HEXIM1: variants seen among roughly 807,000 people sequenced by gnomAD.
HEXIM1 encodes HEXIM P-TEFb complex subunit 1, also known as protein HEXIM1.
A neutral mutation model predicts 30.3 loss-of-function variants in HEXIM1; 1 was observed. That is an observed-to-expected ratio of 0.03 (90% CI 0.01 to 0.16). HEXIM1 has a LOEUF of 0.16. HEXIM1 is among the 10% of genes least tolerant of loss of function. The pLI, the probability that HEXIM1 is intolerant of heterozygous loss-of-function variation, is 1.00. For missense variants in HEXIM1, 391 were observed against 476.4 expected, an observed-to-expected ratio of 0.82 and a Z score of 1.67; for synonymous variants, 245 against 208.3, an observed-to-expected ratio of 1.18 and a Z score of -1.52.
In HEXIM1 at chr17:45,148,987, C is replaced by G. The variant is rs1323416453; in HGVS notation, c.-204C>G. Reference sequence around the variant, plus strand: ...GCTGGCCGCACTGTGGGCGCTTAACCCTTTACTGACTTGAGCTCCCCAGAT... The same window carrying G: ...GCTGGCCGCACTGTGGGCGCTTAACGCTTTACTGACTTGAGCTCCCCAGAT... On this transcript the variant is annotated 5_prime_UTR_variant, in exon 1 of 1. Transcript: ENST00000332499. 2 of 567,876 alleles carry G rather than the reference C, an allele frequency of 3.5e-6. No individual in the cohort carries two copies. Among genetic ancestry groups the G allele is most frequent in the Admixed American group, 6.7e-5 (2 of 29,724 alleles). 35.2% of individuals were successfully genotyped at this position (567,876 alleles called of 1,614,324 possible).
rs12051846 is a variant in HEXIM1 at position 45,149,520 on chromosome 17, A to T, written c.330A>T (p.Glu110Asp). The change falls in exon 1 of 1, where the codon GAA becomes GAT. Residue 110 changes from glutamate (E) to aspartate (D), a missense_variant. By Grantham distance (45) the Glu-to-Asp change is conservative. Coordinates refer to ENST00000332499, the MANE Select transcript of HEXIM1 (RefSeq NM_006460.3). This position sits in a 1 kb window ranked among gnomAD's most constrained non-coding sequence, Gnocchi z 5.3. ...ACTTCCCGCCGCCGGCAGAAGTGGA[A>T]CCGACGCCCGAGGCCGAGCTGCTCG... is the stretch of plus-strand genomic sequence containing the variant. ...GGDFPPPAEVEPTPEAELLAQ... is the reference protein window; with the variant it reads ...GGDFPPPAEVDPTPEAELLAQ... 1.9e-6 allele frequency: 3 copies of T among 1,606,724 alleles called. No individual in the cohort carries two copies. The highest frequency in any genetic ancestry group is 2.5e-6 in the Non-Finnish European group (3 of 1,177,108).
rs142925080 is a variant in HEXIM1 at position 45,149,052 on chromosome 17, G to A, written c.-139G>A. 103 of 843,634 alleles carry A rather than the reference G, an allele frequency of 1.2e-4. No individual in the cohort carries two copies. The African/African-American group carries it at 1.6e-3, about 13-fold the overall frequency. The allele number at this position is 843,634 out of a possible 1,614,324, so 52.3% of individuals were successfully genotyped here. A position where few individuals can be genotyped will look rare whatever the true frequency, so the allele number is the denominator to read the frequency against. ...GCTGATAGAAGGACTAGCTAAAGGC[G>A]TCACTGCAGGAATTACAAACTGAAG... On this transcript the variant is annotated 5_prime_UTR_variant, in exon 1 of 1. Coordinates refer to ENST00000332499, the MANE Select transcript of HEXIM1 (RefSeq NM_006460.3). This position sits in a 1 kb window ranked among gnomAD's most constrained non-coding sequence, Gnocchi z 5.3.
Position 45,150,328 on chromosome 17 carries a change from C to T in HEXIM1, c.*58C>T, listed in dbSNP as rs2055538485. 1 of 1,556,850 alleles carries T rather than the reference C, an allele frequency of 6.4e-7. No homozygotes were observed. The highest frequency in any genetic ancestry group is 2.3e-5 in the East Asian group (1 of 44,370). The stretch of plus-strand genomic sequence containing the variant: ...GACTTTTTACAGTGATGGAATGTAA[C>T]ATTATATACATGTGTATATAAGACA... On this transcript the variant is annotated 3_prime_UTR_variant, in exon 1 of 1. Coordinates refer to ENST00000332499, the MANE Select transcript of HEXIM1 (RefSeq NM_006460.3).
rs1044977 is a variant in HEXIM1 at position 45,149,847 on chromosome 17, T to C, written c.657T>C (p.Asp219=). ...ATGATCACGACCAGGAGGAGCCGGA[T>C]CTCAAAACCGGCCTGTACTCCAAGC... The part of the protein sequence containing the change: ...LMDDHDQEEP[D]LKTGLYSKRA... Residue 219 remains aspartate (D), a synonymous_variant, in exon 1 of 1, where the codon GAT becomes GAC. Coordinates refer to ENST00000332499, the MANE Select transcript of HEXIM1 (RefSeq NM_006460.3). The surrounding 1 kb of genome is among the most constrained non-coding windows in gnomAD (Gnocchi z 5.3). 0.24 allele frequency: 388,985 copies of C among 1,613,036 alleles called. 48,585 individuals are homozygous for C. The highest frequency in any genetic ancestry group is 0.29 in the South Asian group (26,424 of 91,052).
chr17:45,150,392 C>G lies in HEXIM1; in HGVS notation c.*122C>G, dbSNP rs949911513. Reference sequence around the variant, plus strand: ...TGACACATAATCAGAAGAGAAATCCCCCTGGCTTTGGTTTCGTAAATTTAG... The same window carrying G: ...TGACACATAATCAGAAGAGAAATCCGCCTGGCTTTGGTTTCGTAAATTTAG... On this transcript the variant is annotated 3_prime_UTR_variant, in exon 1 of 1. Transcript: ENST00000332499. 30 of 1,045,992 alleles carry G rather than the reference C, an allele frequency of 2.9e-5. No homozygotes were observed. The African/African-American group carries it at 1.1e-3, about 37-fold the overall frequency. 64.8% of individuals were successfully genotyped at this position (1,045,992 alleles called of 1,614,324 possible). A position where few individuals can be genotyped will look rare whatever the true frequency, so the allele number is the denominator to read the frequency against.
In HEXIM1 at chr17:45,150,395, T is replaced by C. The variant is rs1045593702; in HGVS notation, c.*125T>C. 15 of 1,064,982 alleles carry C rather than the reference T, an allele frequency of 1.4e-5. No individual in the cohort carries two copies. The Admixed American group carries it at 3.2e-4, about 23-fold the overall frequency. 66.0% of individuals were successfully genotyped at this position (1,064,982 alleles called of 1,614,324 possible). A position where few individuals can be genotyped will look rare whatever the true frequency, so the allele number is the denominator to read the frequency against. Reference sequence around the variant, plus strand: ...CACATAATCAGAAGAGAAATCCCCCTGGCTTTGGTTTCGTAAATTTAGCTA... The same window carrying C: ...CACATAATCAGAAGAGAAATCCCCCCGGCTTTGGTTTCGTAAATTTAGCTA... On this transcript the variant is annotated 3_prime_UTR_variant, in exon 1 of 1. Transcript: ENST00000332499.
rs1049364400 is a variant in HEXIM1, at chr17:45,150,138, T to G, written c.948T>G (p.Gly316=). 1 of 1,613,332 alleles carries G rather than the reference T, an allele frequency of 6.2e-7. No individual in the cohort carries two copies. The highest frequency in any genetic ancestry group is 8.5e-7 in the Non-Finnish European group (1 of 1,179,990). The change falls in exon 1 of 1, where the codon GGT becomes GGG. Residue 316 remains glycine, a synonymous_variant. Coordinates refer to ENST00000332499, the MANE Select transcript of HEXIM1 (RefSeq NM_006460.3). ...NRLRLESKRL[G]GDDARVRELE... ...TGCGGCTGGAGAGCAAGCGGCTGGG[T>G]GGCGACGACGCGCGTGTGCGGGAGC...
At position 45,149,876 on chromosome 17, in the gene HEXIM1, C is replaced by T; in HGVS notation, c.686C>T (p.Ala229Val). The change falls in exon 1 of 1, where the codon GCC becomes GTC. Residue 229 changes from alanine to valine, a missense_variant. Transcript: ENST00000332499. The surrounding 1 kb of genome is among the most constrained non-coding windows in gnomAD (Gnocchi z 5.3). ...DLKTGLYSKR[A>V]AAKSDDTSDD... ...AAAACCGGCCTGTACTCCAAGCGGG[C>T]CGCCGCCAAATCCGACGACACCAGC... is the stretch of plus-strand genomic sequence containing the variant. The T allele has an allele frequency of 2.5e-6, 4 of 1,613,634 alleles. No homozygotes were observed. Among genetic ancestry groups the T allele is most frequent in the Non-Finnish European group, 3.4e-6 (4 of 1,179,974 alleles).
In HEXIM1 at chr17:45,151,960, A is replaced by C. The variant is rs1294089965; in HGVS notation, c.*1690A>C. The C allele has an allele frequency of 6.0e-6, 1 of 167,140 alleles. No individual in the cohort carries two copies. Among genetic ancestry groups the C allele is most frequent in the Non-Finnish European group, 1.5e-5 (1 of 68,134 alleles). 10.4% of individuals were successfully genotyped at this position (167,140 alleles called of 1,614,324 possible). ...CATACACAAATCAATAAATCAAGGG[A>C]GATTATACCAGTAGGACTGAATCAG... On this transcript the variant is annotated 3_prime_UTR_variant, in exon 1 of 1. Transcript: ENST00000332499.
Position 45,150,627 on chromosome 17 carries a change from ATAAAT to A in HEXIM1, c.*359_*363del, listed in dbSNP as rs2055541380. The A allele has an allele frequency of 5.1e-6, 1 of 195,570 alleles. No homozygotes were observed. The highest frequency in any genetic ancestry group is 2.4e-5 in the African/African-American group (1 of 42,284). 12.1% of individuals were successfully genotyped at this position (195,570 alleles called of 1,614,324 possible). On this transcript the variant is annotated 3_prime_UTR_variant, in exon 1 of 1. Transcript: ENST00000332499. ...AACAATTAAATTCATTTTAGTTATA[ATAAAT>A]TTAATATTTGTAAATGTAACATAGT... is the stretch of plus-strand genomic sequence containing the variant.
chr17:45,150,207 G>C lies in HEXIM1; in HGVS notation c.1017G>C (p.Leu339=). 6.2e-7 allele frequency: 1 copy of C among 1,612,728 alleles called. No individual in the cohort carries two copies. Among genetic ancestry groups the C allele is most frequent in the Non-Finnish European group, 8.5e-7 (1 of 1,179,632 alleles). The change falls in exon 1 of 1, where the codon CTG becomes CTC. Residue 339 remains leucine (L), a synonymous_variant. Coordinates refer to ENST00000332499, the MANE Select transcript of HEXIM1 (RefSeq NM_006460.3). ...LDRLRAENLQ[L]LTENELHRQQ... ...GGCTGCGCGCCGAGAACCTCCAGCT[G>C]CTGACCGAGAACGAACTGCACCGGC...
chr17:45,149,382 A>C lies in HEXIM1; in HGVS notation c.192A>C (p.Glu64Asp). ...QLGGRPGPEG[E>D]GSLESQPPPL... The stretch of plus-strand genomic sequence containing the variant: ...GTGGCCGTCCGGGGCCGGAGGGGGA[A>C]GGGAGCCTGGAATCCCAACCACCTC... The change falls in exon 1 of 1, where the codon GAA becomes GAC. Residue 64 changes from glutamate (E) to aspartate (D), a missense_variant. By Grantham distance (45) the Glu-to-Asp change is conservative. Transcript: ENST00000332499. This position sits in a 1 kb window ranked among gnomAD's most constrained non-coding sequence, Gnocchi z 5.3. The C allele has an allele frequency of 6.2e-7, 1 of 1,613,376 alleles. No homozygotes were observed. Among genetic ancestry groups the C allele is most frequent in the Non-Finnish European group, 8.5e-7 (1 of 1,179,912 alleles).
rs1010451090 is a variant in HEXIM1 at position 45,148,484 on chromosome 17, A to G, written c.-707A>G. 9 of 397,602 alleles carry G rather than the reference A, an allele frequency of 2.3e-5. No homozygotes were observed. Among genetic ancestry groups the G allele is most frequent in the Admixed American group, 1.8e-4 (4 of 22,672 alleles). The allele number at this position is 397,602 out of a possible 1,614,324, so 24.6% of individuals were successfully genotyped here. A position where few individuals can be genotyped will look rare whatever the true frequency, so the allele number is the denominator to read the frequency against. On this transcript the variant is annotated 5_prime_UTR_variant, in exon 1 of 1. Transcript: ENST00000332499. ...CAGAGGACTGGGAGACAGCAGTTGG[A>G]AGTTGGCAGGTGGAGAGGCAGGTTG...
In HEXIM1 at chr17:45,150,633, T is replaced by G. The variant is rs971148449; in HGVS notation, c.*363T>G. ...TAAATTCATTTTAGTTATAATAAAT[T>G]TAATATTTGTAAATGTAACATAGTT... On this transcript the variant is annotated 3_prime_UTR_variant, in exon 1 of 1. Coordinates refer to ENST00000332499, the MANE Select transcript of HEXIM1 (RefSeq NM_006460.3). 5.2e-6 allele frequency: 1 copy of G among 191,556 alleles called. No homozygotes were observed. The highest frequency in any genetic ancestry group is 5.7e-5 in the Admixed American group (1 of 17,428). The allele number at this position is 191,556 out of a possible 1,614,324, so 11.9% of individuals were successfully genotyped here. A position where few individuals can be genotyped will look rare whatever the true frequency, so the allele number is the denominator to read the frequency against.
chr17:45,150,374 T>C lies in HEXIM1; in HGVS notation c.*104T>C, dbSNP rs545797773. Reference sequence around the variant, plus strand: ...AGACAGTGGACCTTTTTATGACACATAATCAGAAGAGAAATCCCCCTGGCT... The same window carrying C: ...AGACAGTGGACCTTTTTATGACACACAATCAGAAGAGAAATCCCCCTGGCT... On this transcript the variant is annotated 3_prime_UTR_variant, in exon 1 of 1. Transcript: ENST00000332499. 2.3e-4 allele frequency: 319 copies of C among 1,386,626 alleles called. 3 individuals carry two copies. In the African/African-American group the frequency reaches 4.0e-3, roughly 17 times the overall value. 85.9% of individuals were successfully genotyped at this position (1,386,626 alleles called of 1,614,324 possible). A position where few individuals can be genotyped will look rare whatever the true frequency, so the allele number is the denominator to read the frequency against.
Position 45,150,110 on chromosome 17 carries a change from G to A in HEXIM1, c.920G>A (p.Arg307Gln). ...TCGCGCATGGAGGACGAGAACAACC[G>A]GCTGCGGCTGGAGAGCAAGCGGCTG... is the stretch of plus-strand genomic sequence containing the variant. ...CLSRMEDENN[R>Q]LRLESKRLGG... Residue 307 changes from arginine to glutamine, a missense_variant, in exon 1 of 1, where the codon CGG (arginine) becomes CAG (glutamine). By Grantham distance (43) the Arg-to-Gln change is conservative. Around this residue, in one of 5 missense-constraint regions of HEXIM1, gnomAD observed 73 missense variants for 80.9 expected, o/e 0.90. Coordinates refer to ENST00000332499, the MANE Select transcript of HEXIM1 (RefSeq NM_006460.3). 6.2e-7 allele frequency: 1 copy of A among 1,613,804 alleles called. No homozygotes were observed. The highest frequency in any genetic ancestry group is 8.5e-7 in the Non-Finnish European group (1 of 1,180,034).
rs1598116045 is a variant in HEXIM1, at chr17:45,150,313, A to C, written c.*43A>C. 1 of 1,586,800 alleles carries C rather than the reference A, an allele frequency of 6.3e-7. No individual in the cohort carries two copies. Among genetic ancestry groups the C allele is most frequent in the East Asian group, 2.2e-5 (1 of 44,522 alleles). On this transcript the variant is annotated 3_prime_UTR_variant, in exon 1 of 1. Transcript: ENST00000332499. ...GGAGGGGGCAAAGGGGACTTTTTAC[A>C]GTGATGGAATGTAACATTATATACA...
At position 45,150,398 on chromosome 17, in the gene HEXIM1, C is replaced by A; in HGVS notation, c.*128C>A. 1 of 719,362 alleles carries A rather than the reference C, an allele frequency of 1.4e-6. No homozygotes were observed. Among genetic ancestry groups the A allele is most frequent in the Non-Finnish European group, 1.9e-6 (1 of 532,450 alleles). 44.6% of individuals were successfully genotyped at this position (719,362 alleles called of 1,614,324 possible). On this transcript the variant is annotated 3_prime_UTR_variant, in exon 1 of 1. Coordinates refer to ENST00000332499, the MANE Select transcript of HEXIM1 (RefSeq NM_006460.3). ...ATAATCAGAAGAGAAATCCCCCTGG[C>A]TTTGGTTTCGTAAATTTAGCTATAT...
rs1234031577 is a variant in HEXIM1, at chr17:45,149,012, T to C, written c.-179T>C. 30 of 625,386 alleles carry C rather than the reference T, an allele frequency of 4.8e-5. No individual in the cohort carries two copies. In the Admixed American group the frequency reaches 6.4e-4, roughly 13 times the overall value. 38.7% of individuals were successfully genotyped at this position (625,386 alleles called of 1,614,324 possible). ...CCTTTACTGACTTGAGCTCCCCAGA[T>C]TGCAGTTGGAGTTTGCTGATAGAAG... On this transcript the variant is annotated 5_prime_UTR_variant, in exon 1 of 1. Transcript: ENST00000332499. This position sits in a 1 kb window ranked among gnomAD's most constrained non-coding sequence, Gnocchi z 5.3.
Sources: allele counts gnomAD v4.1 joint callset, GRCh38; gene constraint gnomAD v4.1.1; regional missense constraint gnomAD v4.1.1; non-coding constraint Gnocchi (gnomAD v3.1); transcripts MANE v1.5; gene names NCBI Gene and HGNC (gene_info 2026-07-23, HGNC 2026-07-21).